The following WNT7A variants were observed in gnomAD, a reference collection of about 807,000 sequenced individuals.
WNT7A encodes the protein Wnt family member 7A, also known as protein Wnt-7a.
In WNT7A, 16 loss-of-function variants were observed where a neutral mutation model predicts 28.2. The observed-to-expected ratio is 0.57, with a 90% confidence interval of 0.38 to 0.86. The LOEUF (loss-of-function observed/expected upper bound fraction) is 0.86. Ranked by LOEUF, WNT7A falls within the 40% of genes least tolerant of loss-of-function variation. The pLI is 0.00. For missense variants in WNT7A, 411 were observed against 489.7 expected (o/e 0.84, Z 1.52); for synonymous variants, 190 against 195.9 (o/e 0.97, Z 0.25).
Position 13,854,311 on chromosome 3 carries a change from G to A in WNT7A, c.570+221C>T, listed in dbSNP as rs115791868. ...CATCTTGCTGAGTAACATTCAATTC[G>A]TCTTAAGGCAGACTCAATTATCCAA... is the stretch of plus-strand genomic sequence containing the variant. On this transcript the variant is annotated intron_variant, in intron 3 of 3. Coordinates refer to ENST00000285018, the MANE Select transcript of WNT7A (RefSeq NM_004625.4). 3.8e-3 allele frequency among the ~76,000 whole-genome samples: 575 copies of A among 152,172 alleles called. 2 individuals are homozygous for A. Among genetic ancestry groups the A allele is most frequent in the South Asian group, 0.01 (50 of 4,820 alleles).
chr3:13,817,831 G>T lies in WNT7A; in HGVS notation c.*1113C>A, dbSNP rs571556605. 2 of 152,224 alleles carry T rather than the reference G, an allele frequency of 1.3e-5. No individual in the cohort carries two copies. The highest frequency in any genetic ancestry group is 2.4e-5 in the African/African-American group (1 of 41,448). 9.4% of individuals were successfully genotyped at this position (152,224 alleles called of 1,614,324 possible). A position where few individuals can be genotyped will look rare whatever the true frequency, so the allele number is the denominator to read the frequency against. ...ACCACCCACCACAGTGACTCATTTC[G>T]AAGCTACCACTCAGTGGCCCTGCTT... On this transcript the variant is annotated 3_prime_UTR_variant, in exon 4 of 4. Coordinates refer to ENST00000285018, the MANE Select transcript of WNT7A (RefSeq NM_004625.4).
intron 2 of WNT7A, 122 bp downstream of exon 2, chr3:13,874,825 G>T: frequency 2.0e-6 from 2 of 1,013,608 alleles, no homozygotes; most frequent in Non-Finnish European, 1.5e-6. Context: ...TGCACCTGCA[G>T]GACCCCATAC....
chr3:13,849,907 A>T (rs1694600712), intron 3 of WNT7A, among the ~76,000 whole-genome samples: 1 of 152,146 alleles, frequency 6.6e-6, no homozygotes, highest in Admixed American at 6.5e-5. Context: ...TGTGTGTGGG[A>T]GAGAAGCTGC....
intron 1 of WNT7A, among the ~76,000 whole-genome samples, chr3:13,876,737 C>G (rs59562904): frequency 0.27 from 40,484 of 151,772 alleles, 6,582 homozygotes; most frequent in African/African-American, 0.46. Flanking sequence ...TGTCCTTGCT[C>G]CTCCTCTCCC....
intron 2 of WNT7A, among the ~76,000 whole-genome samples, chr3:13,856,124 T>TC (rs1273427923): frequency 6.6e-6 from 1 of 152,086 alleles, no homozygotes; most frequent in Non-Finnish European, 1.5e-5. Context: ...CTGGACAGCT[T>TC]CCCCATGCCA....
At chr3:13,866,400 A>G (rs372184282) in intron 2 of WNT7A, among the ~76,000 whole-genome samples, 19 of 152,364 alleles carry the variant, frequency 1.2e-4, no homozygotes, top group African/African-American at 4.3e-4. Context: ...CGTTTGGTCA[A>G]GGCCCACTGT....
chr3:13,851,858 G>T (rs1471805819), intron 3 of WNT7A, among the ~76,000 whole-genome samples: 1 of 152,210 alleles, frequency 6.6e-6, no homozygotes, highest in Non-Finnish European at 1.5e-5. Flanking sequence ...AGCGGCCACT[G>T]ATTTCAATCC....
intron 3 of WNT7A, among the ~76,000 whole-genome samples, chr3:13,824,493 G>A (rs909734128): frequency 2.0e-5 from 3 of 152,120 alleles, no homozygotes; most frequent in Non-Finnish European, 4.4e-5. Context: ...TTTTATCCAC[G>A]CATCCATCGG....
At position 13,818,812 on chromosome 3, in the gene WNT7A, G is replaced by A. The variant is rs189888897; in HGVS notation, c.*132C>T. ...TTTTTTCCCCCACGGATGCCTGCAGGAAACCCAGGAAAAGTACCCTCCTCA... is the reference window on the plus strand; with the variant it reads ...TTTTTTCCCCCACGGATGCCTGCAGAAAACCCAGGAAAAGTACCCTCCTCA... On this transcript the variant is annotated 3_prime_UTR_variant, in exon 4 of 4. Coordinates refer to ENST00000285018, the MANE Select transcript of WNT7A (RefSeq NM_004625.4). 1,672 of 1,369,774 alleles carry A rather than the reference G, an allele frequency of 1.2e-3. 12 individuals carry two copies. The African/African-American group carries it at 0.021, about 17-fold the overall frequency. The allele number at this position is 1,369,774 out of a possible 1,614,324, so 84.9% of individuals were successfully genotyped here.
chr3:13,843,705 C>T (rs1694496668), intron 3 of WNT7A, among the ~76,000 whole-genome samples: 1 of 151,442 alleles, frequency 6.6e-6, no homozygotes, highest in South Asian at 2.1e-4. Flanking sequence ...AAAAAAAGGT[C>T]ATGCAAATCA....
chr3:13,823,527 G>C (rs1426126405), intron 3 of WNT7A, among the ~76,000 whole-genome samples: 1 of 152,170 alleles, frequency 6.6e-6, no homozygotes, highest in Non-Finnish European at 1.5e-5. Context: ...CTGGATATAG[G>C]TGAAGTTGAG....
At chr3:13,864,434 C>T (rs1694879600) in intron 2 of WNT7A, among the ~76,000 whole-genome samples, 1 of 152,178 alleles carries the variant, frequency 6.6e-6, no homozygotes, top group Non-Finnish European at 1.5e-5. Flanking sequence ...GCCCTTCCTG[C>T]TGCCACTCCC....
intron 3 of WNT7A, among the ~76,000 whole-genome samples, chr3:13,850,223 C>T (rs941338538): frequency 3.3e-5 from 5 of 152,150 alleles, no homozygotes; most frequent in South Asian, 4.1e-4. Flanking sequence ...TCGGGCTGGG[C>T]GGGGCCTGGC....
chr3:13,824,360 T>C (rs1388195804), intron 3 of WNT7A, among the ~76,000 whole-genome samples: 1 of 152,206 alleles, frequency 6.6e-6, no homozygotes, highest in African/African-American at 2.4e-5. Flanking sequence ...GTATGTGGCA[T>C]TTTGCGTCTC....
intron 3 of WNT7A, among the ~76,000 whole-genome samples, chr3:13,826,078 T>C (rs56069140): frequency 0.39 from 59,006 of 152,010 alleles, 11,529 homozygotes; most frequent in Middle Eastern, 0.48. Context: ...CTTTCACTCA[T>C]GCACCTGTTT....
At chr3:13,853,276 G>A (rs1241960958) in intron 3 of WNT7A, among the ~76,000 whole-genome samples, 4 of 152,182 alleles carry the variant, frequency 2.6e-5, no homozygotes, top group African/African-American at 4.8e-5. Flanking sequence ...AGGCAAACTC[G>A]GAGAAAAGGC....
At chr3:13,868,994 GAA>G (rs140004456) in intron 2 of WNT7A, among the ~76,000 whole-genome samples, 81 of 132,204 alleles carry the variant, frequency 6.1e-4, no homozygotes, top group South Asian at 2.6e-3. Context: ...AAGAAAAAGA[GAA>G]AGAGAGAAAG....
At chr3:13,878,555 A>G (rs942030278) in intron 1 of WNT7A, among the ~76,000 whole-genome samples, 3 of 152,022 alleles carry the variant, frequency 2.0e-5, no homozygotes, top group African/African-American at 7.2e-5. Context: ...TCGGCTCTGC[A>G]CGCACCTGCT....
intron 2 of WNT7A, among the ~76,000 whole-genome samples, chr3:13,872,040 C>T (rs913595475): frequency 2.6e-5 from 4 of 152,144 alleles, no homozygotes; most frequent in Non-Finnish European, 4.4e-5. Context: ...GTTCCCTTTG[C>T]CCGACATGCT....
Sources: gnomAD v4.1 joint callset for allele counts (sites outside exome capture counted in the v4.1 genomes callset) on GRCh38, gnomAD v4.1.1 for gene constraint, MANE v1.5 for transcripts, NCBI Gene and HGNC (gene_info 2026-07-23, HGNC 2026-07-21) for gene names.